Variants in URB1 observed in about 807,000 individuals in gnomAD.
URB1 encodes the protein nucleolar pre-ribosomal-associated protein 1.
In URB1, 197 loss-of-function variants were observed where a neutral mutation model predicts 242.3. The ratio of observed to expected loss-of-function variants is 0.81; its 90% confidence interval spans 0.72 to 0.91. The LOEUF (loss-of-function observed/expected upper bound fraction) is 0.91, where lower values mean the gene tolerates loss of function less well. URB1 is among the 40% of genes least tolerant of loss of function. The pLI, the probability that URB1 is intolerant of heterozygous loss-of-function variation, is 0.00. For missense variants in URB1, 2,721 were observed against 2,860.5 expected, an observed-to-expected ratio of 0.95 and a Z score of 1.11; for synonymous variants, 1,153 against 1,201.8, an observed-to-expected ratio of 0.96 and a Z score of 0.84.
chr21:32,369,664 A>G (rs1332214337), intron 8 of URB1, among the ~76,000 whole-genome samples: 1 of 152,112 alleles, frequency 6.6e-6, no homozygotes, highest in Non-Finnish European at 1.5e-5. Context: ...GAGTTGCTGC[A>G]TGGTCCAGAG....
intron 3 of URB1, among the ~76,000 whole-genome samples, chr21:32,383,758 G>A (rs748205709): frequency 6.6e-6 from 1 of 152,040 alleles, no homozygotes; most frequent in Non-Finnish European, 1.5e-5. Context: ...TTAAAACTAA[G>A]TAGGATTAAC....
chr21:32,346,708 T>C (rs568928757), intron 22 of URB1, among the ~76,000 whole-genome samples: 1 of 152,222 alleles, frequency 6.6e-6, no homozygotes, highest in East Asian at 1.9e-4. Flanking sequence ...CAGCTTCATG[T>C]GGGGGAACTC....
At chr21:32,338,220 A>G (rs891000819) in intron 26 of URB1, among the ~76,000 whole-genome samples, 1 of 152,226 alleles carries the variant, frequency 6.6e-6, no homozygotes, top group African/African-American at 2.4e-5. Flanking sequence ...TGTGAGCACT[A>G]AAGTGAATCC....
intron 12 of URB1, 45 bp from the exon 13 acceptor site, chr21:32,361,168 A>AAAGAAAGAAAGAAAGAAAGG (rs769812659): frequency 3.2e-6 from 2 of 632,072 alleles, no homozygotes; most frequent in Non-Finnish European, 5.1e-6. Flanking sequence ...AAAAAGAAAG[A>AAAGAAAGAAAGAAAGAAAGG]AAGAAAGAAA....
intron 5 of URB1, chr21:32,377,435 T>G: frequency 2.5e-6 from 1 of 397,024 alleles, no homozygotes; most frequent in South Asian, 1.8e-5. Flanking sequence ...TGTCACTGAA[T>G]AAAAGGCCAG....
chr21:32,348,368 C>A (rs981885486), intron 21 of URB1, among the ~76,000 whole-genome samples: 2 of 152,156 alleles, frequency 1.3e-5, no homozygotes, highest in African/African-American at 4.8e-5. Flanking sequence ...CGTGTGTCTA[C>A]GATCCTGAAT....
chr21:32,360,132 C>G (rs777512827), intron 13 of URB1, among the ~76,000 whole-genome samples: 13 of 152,220 alleles, frequency 8.5e-5, no homozygotes, highest in Non-Finnish European at 1.8e-4. Context: ...CCAAATCCCA[C>G]TTGCCTGAAG....
chr21:32,375,537 T>C (rs531780308), intron 5 of URB1, 54 bp from the exon 6 acceptor site: 1 of 1,108,758 alleles, frequency 9.0e-7, no homozygotes, highest in Non-Finnish European at 1.3e-6. Context: ...AAAATGAGAA[T>C]AGACGAGAGA....
chr21:32,320,505 G>A lies in URB1; in HGVS notation c.5594+26C>T, dbSNP rs372818517. ...TGTTCCTTTCCTTCCCACCTGACGC[G>A]CACCTCGCATGCAAAAGGTACTTAC... On this transcript the variant is annotated intron_variant, in intron 35 of 38. Coordinates refer to ENST00000382751, the MANE Select transcript of URB1 (RefSeq NM_014825.3). 172 of 1,482,486 alleles carry A rather than the reference G, an allele frequency of 1.2e-4. 1 individual carries two copies. The African/African-American group carries it at 1.5e-3, about 13-fold the overall frequency. The allele number at this position is 1,482,486 out of a possible 1,614,324, so 91.8% of individuals were successfully genotyped here.
intron 23 of URB1, 110 bp from the exon 24 acceptor site, chr21:32,344,866 C>T (rs2033068111): frequency 8.3e-7 from 1 of 1,209,960 alleles, no homozygotes; most frequent in African/African-American, 1.5e-5. Context: ...GAGTCCTGCT[C>T]CCCACACTAC....
At chr21:32,357,259 C>A (rs1290376465) in intron 15 of URB1, among the ~76,000 whole-genome samples, 1 of 148,808 alleles carries the variant, frequency 6.7e-6, no homozygotes, top group African/African-American at 2.5e-5. Flanking sequence ...GCCTAATAAA[C>A]ACCAAGAAGC....
At chr21:32,363,351 T>G (rs2123601109) in intron 10 of URB1, 22 bp from the exon 11 acceptor site, 1 of 1,548,098 alleles carries the variant, frequency 6.5e-7, no homozygotes, top group Non-Finnish European at 8.7e-7. Context: ...AAGAGTTAAA[T>G]GCACACATGT....
At chr21:32,375,048 GAAC>G (rs2033444298) in intron 6 of URB1, among the ~76,000 whole-genome samples, 1 of 152,146 alleles carries the variant, frequency 6.6e-6, no homozygotes, top group African/African-American at 2.4e-5. Context: ...ACATGACACA[GAAC>G]AACATTTTGC....
At chr21:32,364,030 A>C (rs2033318714) in intron 10 of URB1, among the ~76,000 whole-genome samples, 1 of 151,652 alleles carries the variant, frequency 6.6e-6, no homozygotes, top group Non-Finnish European at 1.5e-5. Context: ...AAGCATTAGC[A>C]TCAGGTGGAG....
In URB1 at chr21:32,314,910, G is replaced by C. The variant is rs527968364; in HGVS notation, c.*8C>G. The C allele has an allele frequency of 1.3e-6, 2 of 1,548,198 alleles. No homozygotes were observed. The highest frequency in any genetic ancestry group is 2.7e-5 in the African/African-American group (2 of 72,972). On this transcript the variant is annotated 3_prime_UTR_variant, in exon 39 of 39. Coordinates refer to ENST00000382751, the MANE Select transcript of URB1 (RefSeq NM_014825.3). ...GTCATCAGGGTGCAAGGTGCTGGCCGGCAGGAGTCAAGCATCTGAGGCTGC... is the reference window on the plus strand; with the variant it reads ...GTCATCAGGGTGCAAGGTGCTGGCCCGCAGGAGTCAAGCATCTGAGGCTGC...
In URB1 at chr21:32,338,812, GC is replaced by G; in HGVS notation, c.4404del (p.Lys1468AsnfsTer10). The part of the protein sequence containing the change: ...LYSPESSVRT[K>X]LIQLPVVYVM... ...ACGTAGACCACCGGGAGCTGGATGA[GC>G]TTCGTGCGCACGGAGCTTTCTGGGC... On this transcript the variant is annotated frameshift_variant, in exon 26 of 39. Coordinates refer to ENST00000382751, the MANE Select transcript of URB1 (RefSeq NM_014825.3). LOFTEE classifies it high-confidence loss of function. 6.4e-7 allele frequency: 1 copy of G among 1,551,780 alleles called. No individual in the cohort carries two copies. Among genetic ancestry groups the G allele is most frequent in the Non-Finnish European group, 8.7e-7 (1 of 1,147,014 alleles).
chr21:32,363,827 T>C (rs896843644), intron 10 of URB1, among the ~76,000 whole-genome samples: 2 of 147,084 alleles, frequency 1.4e-5, no homozygotes, highest in Admixed American at 1.4e-4. Context: ...TCTGGCTTTC[T>C]TTTTTTTTTT....
rs774694873 is a variant in URB1, at chr21:32,312,372, C to T, written c.*2546G>A. On this transcript the variant is annotated 3_prime_UTR_variant, in exon 39 of 39. Coordinates refer to ENST00000382751, the MANE Select transcript of URB1 (RefSeq NM_014825.3). Reference sequence around the variant, plus strand: ...TCAGCCCTGAGTTCACCTGGTCCTTCTGTACCTTTGTTAGGATGCTGGGTA... The same window carrying T: ...TCAGCCCTGAGTTCACCTGGTCCTTTTGTACCTTTGTTAGGATGCTGGGTA... 8 of 1,141,364 alleles carry T rather than the reference C, an allele frequency of 7.0e-6. No homozygotes were observed. Among genetic ancestry groups the T allele is most frequent in the Non-Finnish European group, 8.8e-6 (8 of 907,546 alleles). 70.7% of individuals were successfully genotyped at this position (1,141,364 alleles called of 1,614,324 possible).
At chr21:32,362,778 G>A (rs1409648767) in intron 11 of URB1, among the ~76,000 whole-genome samples, 1 of 152,184 alleles carries the variant, frequency 6.6e-6, no homozygotes, top group East Asian at 1.9e-4. Flanking sequence ...CTGGGCCACA[G>A]TGTGGTCTAT....
Sources: allele counts gnomAD v4.1 joint callset (sites outside exome capture counted in the v4.1 genomes callset), GRCh38; gene constraint gnomAD v4.1.1; transcripts MANE v1.5; gene names NCBI Gene and HGNC (gene_info 2026-07-23, HGNC 2026-07-21).